The following ATP8A2 variants were observed in gnomAD, a reference collection of about 807,000 sequenced individuals.
The protein encoded by ATP8A2 is ATPase phospholipid transporting 8A2.
Under a neutral mutation model 165.6 loss-of-function variants are expected in ATP8A2, and 100 were observed. That is an observed-to-expected ratio of 0.60 (90% confidence interval 0.51 to 0.71). The LOEUF (loss-of-function observed/expected upper bound fraction) is 0.71. Among genes scored for constraint, ATP8A2 ranks in the 30% least tolerant of loss-of-function variants. The pLI is 0.00. For missense variants in ATP8A2, 1,227 were observed against 1,479.5 expected, an observed-to-expected ratio of 0.83 and a Z score of 2.80; for synonymous variants, 543 against 548.8, an observed-to-expected ratio of 0.99 and a Z score of 0.15.
chr13:25,481,422 A>G (rs1367762280), intron 2 of ATP8A2, among the ~76,000 whole-genome samples: 1 of 152,204 alleles, frequency 6.6e-6, no homozygotes, highest in Non-Finnish European at 1.5e-5. Flanking sequence ...TGCATCCTTC[A>G]TTCCTCCTCC....
chr13:25,374,234 C>T (rs2032533733), intron 1 of ATP8A2, among the ~76,000 whole-genome samples: 1 of 152,084 alleles, frequency 6.6e-6, no homozygotes. Context: ...GTACCTGTGC[C>T]CAGTGCTGCT....
rs554944883 is a variant in ATP8A2 at position 26,025,182 on chromosome 13, C to G, written c.*5197C>G. On this transcript the variant is annotated 3_prime_UTR_variant, in exon 37 of 37. Transcript: ENST00000381655. ...AAACCAGCCCTGTCATGGAATTTCT[C>G]TCCTTCCCTGCACAGTAAAGACTTT... 1 of 151,022 alleles carries G rather than the reference C, an allele frequency of 6.6e-6. No homozygotes were observed. Among genetic ancestry groups the G allele is most frequent in the African/African-American group, 2.4e-5 (1 of 41,068 alleles). The allele number at this position is 151,022 out of a possible 1,614,324, so 9.4% of individuals were successfully genotyped here.
intron 25 of ATP8A2, among the ~76,000 whole-genome samples, chr13:25,740,442 C>T (rs760685430): frequency 1.3e-5 from 2 of 151,656 alleles, no homozygotes; most frequent in Non-Finnish European, 2.9e-5. Context: ...TGGCAGAAAG[C>T]GACATAACAA....
At chr13:25,664,294 G>A in intron 24 of ATP8A2, among the ~76,000 whole-genome samples, 1 of 152,208 alleles carries the variant, frequency 6.6e-6, no homozygotes, top group East Asian at 1.9e-4. Context: ...TAAGTTACCT[G>A]TAAATGGCCT....
intron 24 of ATP8A2, among the ~76,000 whole-genome samples, chr13:25,697,437 A>C (rs887201060): frequency 6.6e-6 from 1 of 152,104 alleles, no homozygotes; most frequent in Non-Finnish European, 1.5e-5. Flanking sequence ...GTGCCACCAC[A>C]GCCCGACTAA....
At chr13:25,850,145 C>T (rs1263548511) in intron 30 of ATP8A2, among the ~76,000 whole-genome samples, 3 of 152,124 alleles carry the variant, frequency 2.0e-5, no homozygotes, top group Non-Finnish European at 4.4e-5. Context: ...AGTCTAGTTC[C>T]GGTAAATGCC....
intron 24 of ATP8A2, among the ~76,000 whole-genome samples, chr13:25,602,799 C>T (rs557054314): frequency 8.6e-4 from 131 of 152,316 alleles, no homozygotes; most frequent in South Asian, 7.9e-3. Flanking sequence ...GGGCCAGGCA[C>T]AGTGGCTTAT....
At chr13:25,683,974 A>G (rs1433415756) in intron 24 of ATP8A2, among the ~76,000 whole-genome samples, 2 of 152,204 alleles carry the variant, frequency 1.3e-5, no homozygotes, top group African/African-American at 4.8e-5. Flanking sequence ...ATAGTAAAGG[A>G]GATTTCTATT....
chr13:25,395,749 G>A (rs781029463), intron 1 of ATP8A2, among the ~76,000 whole-genome samples: 6 of 152,016 alleles, frequency 3.9e-5, no homozygotes, highest in Non-Finnish European at 8.8e-5. Flanking sequence ...GTTGCTCAGG[G>A]GTGTCTCAAA....
In ATP8A2 at chr13:25,689,418, C is replaced by T. The variant is rs1056505550; in HGVS notation, c.2212-9755C>T. Among the ~76,000 whole-genome samples, 10 of 152,230 alleles carry T rather than the reference C, an allele frequency of 6.6e-5. No homozygotes were observed. The South Asian group carries it at 8.3e-4, about 13-fold the overall frequency. On this transcript the variant is annotated intron_variant, in intron 24 of 36. Coordinates refer to ENST00000381655, the MANE Select transcript of ATP8A2 (RefSeq NM_016529.6). Reference sequence around the variant, plus strand: ...ACTTAATGACATAGTTCATTAAAAACGCTCTTTGTAAACTTAAGTTGTCTA... The same window carrying T: ...ACTTAATGACATAGTTCATTAAAAATGCTCTTTGTAAACTTAAGTTGTCTA...
intron 1 of ATP8A2, among the ~76,000 whole-genome samples, chr13:25,399,979 AG>A (rs2033581751): frequency 3.6e-4 from 2 of 5,622 alleles, no homozygotes; most frequent in Non-Finnish European, 1.2e-3. Context: ...TCCTTTTTTG[AG>A]GAAGCCATCA....
intron 1 of ATP8A2, among the ~76,000 whole-genome samples, chr13:25,401,501 C>T (rs926339462): frequency 6.6e-6 from 1 of 152,052 alleles, no homozygotes; most frequent in Non-Finnish European, 1.5e-5. Context: ...CAGCCAAAAG[C>T]TTTTTTTCTC....
intron 25 of ATP8A2, among the ~76,000 whole-genome samples, chr13:25,719,590 G>A (rs781234530): frequency 6.6e-6 from 1 of 152,150 alleles, no homozygotes; most frequent in African/African-American, 2.4e-5. Flanking sequence ...GTTATTTTGA[G>A]ATGAGATGGC....
chr13:26,019,875 G>C lies in ATP8A2; in HGVS notation c.3470-13G>C, dbSNP rs1957058307. ...TCCTGTTAACCAGTTTCTCCTGTGTGCTTCACTTTCAGATGGGTATGCTTT... is the reference window on the plus strand; with the variant it reads ...TCCTGTTAACCAGTTTCTCCTGTGTCCTTCACTTTCAGATGGGTATGCTTT... On this transcript the variant is annotated splice_polypyrimidine_tract_variant and intron_variant, in intron 36 of 36. Transcript: ENST00000381655. 1 of 1,597,482 alleles carries C rather than the reference G, an allele frequency of 6.3e-7. No individual in the cohort carries two copies. The highest frequency in any genetic ancestry group is 1.3e-5 in the African/African-American group (1 of 74,522).
chr13:25,891,211 A>G (rs911947342), intron 33 of ATP8A2, among the ~76,000 whole-genome samples: 2 of 152,150 alleles, frequency 1.3e-5, no homozygotes, highest in Admixed American at 6.6e-5. Flanking sequence ...TTCAATGTGT[A>G]TTTGATGTTT....
chr13:25,957,207 A>G (rs192470217), intron 33 of ATP8A2, among the ~76,000 whole-genome samples: 1 of 152,224 alleles, frequency 6.6e-6, no homozygotes, highest in African/African-American at 2.4e-5. Flanking sequence ...AAGCATAGAC[A>G]TGGGTAAAGA....
intron 1 of ATP8A2, among the ~76,000 whole-genome samples, chr13:25,397,059 TC>T (rs1423267363): frequency 6.6e-5 from 10 of 152,176 alleles, no homozygotes; most frequent in African/African-American, 2.4e-4. Context: ...GTGGCTGTTT[TC>T]GCTGAGTTAA....
At chr13:25,374,351 C>T (rs972688230) in intron 1 of ATP8A2, among the ~76,000 whole-genome samples, 1 of 152,116 alleles carries the variant, frequency 6.6e-6, no homozygotes, top group South Asian at 2.1e-4. Flanking sequence ...CCTAATAGAG[C>T]AGGTGTAAGA....
At chr13:25,419,948 A>G (rs1049965039) in intron 1 of ATP8A2, among the ~76,000 whole-genome samples, 4 of 152,298 alleles carry the variant, frequency 2.6e-5, no homozygotes, top group Admixed American at 6.5e-5. Flanking sequence ...AATTGAAAGG[A>G]ACAGAGAATT....
Sources: gnomAD v4.1 joint callset for allele counts (sites outside exome capture counted in the v4.1 genomes callset) on GRCh38, gnomAD v4.1.1 for gene constraint, MANE v1.5 for transcripts, NCBI Gene and HGNC (gene_info 2026-07-23, HGNC 2026-07-21) for gene names.